Variants in COL24A1 observed in about 807,000 individuals in gnomAD.
COL24A1 encodes collagen type XXIV alpha 1 chain.
COL24A1 carries 224 observed loss-of-function variants against 253.9 expected under a neutral mutation model. The observed-to-expected ratio is 0.88, with a 90% CI of 0.79 to 0.99. The LOEUF is 0.99. Among genes scored for constraint, COL24A1 ranks in the 50% least tolerant of loss-of-function variants. The pLI is 0.00. For synonymous variants in COL24A1, 685 were observed against 673.7 expected (o/e 1.02, Z -0.26); for missense variants, 2,131 against 2,068.5 (o/e 1.03, Z -0.59).
intron 11 of COL24A1, among the ~76,000 whole-genome samples, chr1:86,049,318 C>T (rs1037318550): frequency 1.3e-5 from 2 of 152,170 alleles, no homozygotes; most frequent in Non-Finnish European, 1.5e-5. Context: ...ATTTAACTCA[C>T]TCACTGAAAA....
At chr1:85,935,958 G>A (rs927027592) in intron 24 of COL24A1, among the ~76,000 whole-genome samples, 7 of 147,454 alleles carry the variant, frequency 4.7e-5, no homozygotes, top group Admixed American at 1.4e-4. Context: ...TGATTAAGGC[G>A]GGGTATAAAA....
At chr1:85,763,918 T>A (rs545865257) in intron 53 of COL24A1, among the ~76,000 whole-genome samples, 49 of 152,350 alleles carry the variant, frequency 3.2e-4, no homozygotes, top group African/African-American at 1.1e-3. Flanking sequence ...AGAATTTACA[T>A]ACGATCCTCC....
At chr1:85,998,687 G>A (rs950031305) in intron 19 of COL24A1, among the ~76,000 whole-genome samples, 1 of 152,144 alleles carries the variant, frequency 6.6e-6, no homozygotes, top group Non-Finnish European at 1.5e-5. Context: ...GCAAAGGGCA[G>A]GAAGGAATGC....
chr1:86,068,400 T>G (rs1701643508), intron 7 of COL24A1, among the ~76,000 whole-genome samples: 1 of 152,184 alleles, frequency 6.6e-6, no homozygotes. Context: ...AACTCAGTGC[T>G]TCCCTGGCAC....
At chr1:86,122,595 A>G (rs1176472051) in intron 3 of COL24A1, among the ~76,000 whole-genome samples, 1 of 151,970 alleles carries the variant, frequency 6.6e-6, no homozygotes, top group Non-Finnish European at 1.5e-5. Flanking sequence ...TCTTAATTAC[A>G]GTTTTTAATA....
At chr1:85,828,865 G>C (rs1248749992) in intron 43 of COL24A1, among the ~76,000 whole-genome samples, 5 of 147,242 alleles carry the variant, frequency 3.4e-5, no homozygotes, top group Non-Finnish European at 6.0e-5. Context: ...GATGGGTCTT[G>C]ACTCTTTATC....
intron 5 of COL24A1, among the ~76,000 whole-genome samples, chr1:86,110,648 T>A (rs1410077090): frequency 6.6e-6 from 1 of 151,892 alleles, no homozygotes; most frequent in Non-Finnish European, 1.5e-5. Flanking sequence ...GGCCCCACAC[T>A]CCCAGCGGCC....
intron 32 of COL24A1, among the ~76,000 whole-genome samples, chr1:85,888,919 C>T (rs1264100425): frequency 6.6e-6 from 1 of 151,996 alleles, no homozygotes; most frequent in East Asian, 1.9e-4. Context: ...ATCTTAGAAG[C>T]ACATTATAGC....
At chr1:86,059,046 A>G in intron 9 of COL24A1, 75 bp downstream of exon 9, 1 of 889,956 alleles carries the variant, frequency 1.1e-6, no homozygotes, top group Admixed American at 2.8e-5. Context: ...TTTGAACATT[A>G]ATTCTCAAAA....
At chr1:86,065,201 T>C (rs951430516) in intron 7 of COL24A1, among the ~76,000 whole-genome samples, 11 of 145,808 alleles carry the variant, frequency 7.5e-5, no homozygotes, top group African/African-American at 2.8e-4. Flanking sequence ...CCTTTTCCTA[T>C]TTTTTTAAAG....
chr1:85,730,679 C>T lies in COL24A1; in HGVS notation c.5012G>A (p.Ser1671Asn), dbSNP rs766989939. 1.2e-5 allele frequency: 20 copies of T among 1,613,750 alleles called. No homozygotes were observed. The highest frequency in any genetic ancestry group is 1.6e-4 in the Middle Eastern group (1 of 6,082). ...AAAAAGAAATGTTGCCTTATGCCAG[C>T]TGCCATCTTGAATCTGTAAAATAAG... ...LSDDCKIQDG[S>N]WHKATFLFHT... is the part of the protein sequence containing the mutation. Residue 1671 changes from serine (S) to asparagine (N), a missense_variant, in exon 60 of 60, where the codon AGC becomes AAC. Ser to Asn is a conservative substitution (Grantham distance 46). Coordinates refer to ENST00000370571, the MANE Select transcript of COL24A1 (RefSeq NM_152890.7).
At chr1:85,871,522 G>A (rs1680488889) in intron 35 of COL24A1, among the ~76,000 whole-genome samples, 1 of 152,094 alleles carries the variant, frequency 6.6e-6, no homozygotes, top group South Asian at 2.1e-4. Context: ...TTCATCCCTG[G>A]GATGCAAGGC....
At chr1:85,878,264 G>T (rs996690630) in intron 32 of COL24A1, among the ~76,000 whole-genome samples, 1 of 152,190 alleles carries the variant, frequency 6.6e-6, no homozygotes, top group African/African-American at 2.4e-5. Flanking sequence ...TTCAGTGTCT[G>T]GTGAAGGCCC....
intron 28 of COL24A1, among the ~76,000 whole-genome samples, chr1:85,904,148 A>T (rs1328255444): frequency 2.0e-5 from 3 of 152,188 alleles, no homozygotes. Context: ...TAATAGAGTT[A>T]TTTTAATCTT....
Position 86,049,903 on chromosome 1 carries a change from C to G in COL24A1, c.1905+221G>C, listed in dbSNP as rs116087840. Among the ~76,000 whole-genome samples the G allele has an allele frequency of 2.1e-3, 324 of 152,058 alleles. 1 individual carries two copies. Among genetic ancestry groups the G allele is most frequent in the African/African-American group, 7.6e-3 (314 of 41,504 alleles). On this transcript the variant is annotated intron_variant, in intron 11 of 59. Transcript: ENST00000370571. ...TTTGGTGTATTTTCAAAAATTTGAACTTAAAGTACAATTATATTTCTATCA... is the reference window on the plus strand; with the variant it reads ...TTTGGTGTATTTTCAAAAATTTGAAGTTAAAGTACAATTATATTTCTATCA...
intron 19 of COL24A1, among the ~76,000 whole-genome samples, chr1:85,996,012 G>A (rs140427407): frequency 0.017 from 2,620 of 152,218 alleles, 40 homozygotes; most frequent in Non-Finnish European, 0.027. Flanking sequence ...TTATAGCAGT[G>A]CGAGAATGGA....
intron 35 of COL24A1, 151 bp downstream of exon 35, chr1:85,874,498 C>T (rs1680903694): frequency 2.9e-6 from 2 of 689,630 alleles, no homozygotes; most frequent in Non-Finnish European, 4.9e-6. Flanking sequence ...GTTTGGGATG[C>T]AGCTTTTGAA....
At chr1:86,089,591 A>G (rs538112953) in intron 6 of COL24A1, among the ~76,000 whole-genome samples, 5 of 152,274 alleles carry the variant, frequency 3.3e-5, no homozygotes, top group African/African-American at 7.2e-5. Flanking sequence ...AGGCCGAGAC[A>G]GGTGGACTGC....
At chr1:85,835,307 AT>A (rs1675878699) in intron 43 of COL24A1, among the ~76,000 whole-genome samples, 1 of 151,830 alleles carries the variant, frequency 6.6e-6, no homozygotes, top group African/African-American at 2.4e-5. Context: ...AATTTTTTGT[AT>A]TTTAGTAGAG....
Sources: allele counts gnomAD v4.1 joint callset (sites outside exome capture counted in the v4.1 genomes callset), GRCh38; gene constraint gnomAD v4.1.1; transcripts MANE v1.5; gene names NCBI Gene and HGNC (gene_info 2026-07-23, HGNC 2026-07-21).